SRGAP2B: variants seen among roughly 807,000 people sequenced by gnomAD.
SRGAP2B encodes the protein SLIT-ROBO Rho GTPase-activating protein 2B.
In SRGAP2B, 9 loss-of-function variants were observed where a neutral mutation model predicts 22.2. The observed-to-expected ratio is 0.41, with a 90% CI of 0.24 to 0.71. The LOEUF (loss-of-function observed/expected upper bound fraction) is 0.71, where lower values mean the gene tolerates loss of function less well. Ranked by LOEUF, SRGAP2B falls within the 30% of genes least tolerant of loss-of-function variation. SRGAP2B has a pLI of 0.35. For synonymous variants in SRGAP2B, 36 were observed against 87.4 expected (o/e 0.41, Z 3.28); for missense variants, 114 against 235.8 (o/e 0.48, Z 3.38).
chr1:145,023,027 T>G (rs1286729825), intron 2 of SRGAP2B, among the ~76,000 whole-genome samples: 1 of 149,892 alleles, frequency 6.7e-6, no homozygotes, highest in Admixed American at 6.6e-5. Context: ...TAGCTGGGCA[T>G]GGCGATGCGT....
intron 3 of SRGAP2B, chr1:144,965,182 C>T: frequency 2.9e-6 from 3 of 1,046,318 alleles, no homozygotes; most frequent in Non-Finnish European, 4.4e-6. Context: ...CGAATAGGAA[C>T]AGCTCCGGTC....
intron 3 of SRGAP2B, among the ~76,000 whole-genome samples, chr1:144,984,367 A>ACAAC (rs1173413858): frequency 0.014 from 1,948 of 140,950 alleles, 65 homozygotes; most frequent in South Asian, 0.038. Context: ...AACAACAACA[A>ACAAC]AAAAAAAAAA....
Position 145,080,637 on chromosome 1 carries a change from G to A in SRGAP2B, c.67+12198C>T, listed in dbSNP as rs587707030. On this transcript the variant is annotated intron_variant, in intron 2 of 9. Transcript: ENST00000612199. ...GCGATCTGGGCTCACTGCAACCTCC[G>A]CATCCCAGGTTCAAGCAATTCTCCT... Among the ~76,000 whole-genome samples, 916 of 146,916 alleles carry A rather than the reference G, an allele frequency of 6.2e-3. 15 individuals carry two copies. The highest frequency in any genetic ancestry group is 0.023 in the African/African-American group (882 of 37,980).
intron 2 of SRGAP2B, among the ~76,000 whole-genome samples, chr1:145,012,929 A>G (rs2102247839): frequency 6.7e-6 from 1 of 149,786 alleles, no homozygotes; most frequent in South Asian, 2.1e-4. Flanking sequence ...TACTAGAAAT[A>G]CAAAAAGTAG....
intron 2 of SRGAP2B, among the ~76,000 whole-genome samples, chr1:144,998,338 C>A (rs1375739025): frequency 1.1e-5 from 1 of 92,164 alleles, no homozygotes; most frequent in Non-Finnish European, 2.1e-5. Context: ...CCTAGATCTA[C>A]TCTACAGGAC....
rs1553618182 is a variant in SRGAP2B, at chr1:144,995,006, A to G, written c.260+2T>C. On this transcript the variant is annotated splice_donor_variant, in intron 3 of 9. Transcript: ENST00000612199. LOFTEE classifies it high-confidence loss of function. ...AGAGAGTAATAGCCACAGAGCCCCT[A>G]CTTGAATTGCTGGTCCTTGGTGCTG... 2.0e-5 allele frequency: 31 copies of G among 1,520,314 alleles called. No homozygotes were observed. Among genetic ancestry groups the G allele is most frequent in the Non-Finnish European group, 2.6e-5 (30 of 1,135,160 alleles). The allele number at this position is 1,520,314 out of a possible 1,614,324, so 94.2% of individuals were successfully genotyped here.
chr1:145,041,074 AGTATATATATATAT>A (rs1649179979), intron 2 of SRGAP2B, among the ~76,000 whole-genome samples: 3 of 73,358 alleles, frequency 4.1e-5, no homozygotes, highest in Admixed American at 1.7e-4. Flanking sequence ...GTATATATAT[AGTATATATATATAT>A]ATATATATAT....
At position 145,076,233 on chromosome 1, in the gene SRGAP2B, C is replaced by T. The variant is rs1433987556; in HGVS notation, c.67+16602G>A. Among the ~76,000 whole-genome samples the T allele has an allele frequency of 6.7e-5, 10 of 149,478 alleles. No homozygotes were observed. In the East Asian group the frequency reaches 1.8e-3, roughly 26 times the overall value. On this transcript the variant is annotated intron_variant, in intron 2 of 9. Coordinates refer to ENST00000612199, the Ensembl canonical transcript of SRGAP2B. ...TGTAGACAGGATCTCCAAAATGTTG[C>T]CCAGGCTCATCTTGAACCCCTGGGC...
At chr1:145,012,050 T>C (rs1387860965) in intron 2 of SRGAP2B, among the ~76,000 whole-genome samples, 13 of 150,996 alleles carry the variant, frequency 8.6e-5, no homozygotes, top group East Asian at 1.9e-4. Context: ...TCTCACTTCA[T>C]TGAGCTCTCT....
intron 3 of SRGAP2B, among the ~76,000 whole-genome samples, chr1:144,967,316 T>C (rs1218157175): frequency 7.1e-5 from 7 of 98,170 alleles, no homozygotes; most frequent in Non-Finnish European, 9.9e-5. Context: ...GCAATCAAAC[T>C]AGAACTCAGG....
intron 3 of SRGAP2B, among the ~76,000 whole-genome samples, chr1:144,957,198 T>G (rs1553610493): frequency 6.6e-6 from 1 of 150,838 alleles, no homozygotes; most frequent in Non-Finnish European, 1.5e-5. Flanking sequence ...GGAAAGTGAG[T>G]TGAGAGTAGC....
chr1:145,001,716 T>C (rs1373990663), intron 2 of SRGAP2B, among the ~76,000 whole-genome samples: 1 of 150,014 alleles, frequency 6.7e-6, no homozygotes, highest in Non-Finnish European at 1.5e-5. Flanking sequence ...ATTACTTTAC[T>C]CTATTAAGTA....
At chr1:144,986,401 A>T (rs1280493726) in intron 3 of SRGAP2B, among the ~76,000 whole-genome samples, 3 of 146,644 alleles carry the variant, frequency 2.0e-5, no homozygotes, top group Non-Finnish European at 3.0e-5. Context: ...CTGGGCAGAG[A>T]ATGAACTATT....
intron 4 of SRGAP2B, among the ~76,000 whole-genome samples, chr1:144,947,603 G>T (rs1352319237): frequency 6.8e-6 from 1 of 146,008 alleles, no homozygotes; most frequent in Admixed American, 6.8e-5. Context: ...CCCACTTCCT[G>T]CAGTGTGAAG....
At chr1:145,017,333 T>C (rs1672501480) in intron 2 of SRGAP2B, among the ~76,000 whole-genome samples, 1 of 148,808 alleles carries the variant, frequency 6.7e-6, no homozygotes, top group Non-Finnish European at 1.5e-5. Flanking sequence ...CAGGTGTGTA[T>C]TATGTCAACT....
At chr1:144,921,269 C>CAAAAAA (rs3975927) in intron 4 of SRGAP2B, among the ~76,000 whole-genome samples, 3 of 62,306 alleles carry the variant, frequency 4.8e-5, no homozygotes, top group Non-Finnish European at 5.5e-5. Context: ...TCTAGCTTGC[C>CAAAAAA]AAAAAAAAAA....
rs1360291290 is a variant in SRGAP2B at position 144,944,688 on chromosome 1, T to C, written c.423+10751A>G. Among the ~76,000 whole-genome samples the C allele has an allele frequency of 4.0e-4, 9 of 22,278 alleles. 1 individual carries two copies. The allele number at this position is 22,278 out of a possible 152,430, so 14.6% of individuals were successfully genotyped here. A position where few individuals can be genotyped will look rare whatever the true frequency, so the allele number is the denominator to read the frequency against. On this transcript the variant is annotated intron_variant, in intron 4 of 9. Coordinates refer to ENST00000612199, the Ensembl canonical transcript of SRGAP2B. Reference sequence around the variant, plus strand: ...ACAAAAGAAAGAATTGGTTGTTTTATTTATTTATTTATTTATTTATTTATT... The same window carrying C: ...ACAAAAGAAAGAATTGGTTGTTTTACTTATTTATTTATTTATTTATTTATT...
intron 4 of SRGAP2B, among the ~76,000 whole-genome samples, chr1:144,948,816 T>A (rs1341423220): frequency 1.7e-4 from 6 of 34,606 alleles, no homozygotes; most frequent in Non-Finnish European, 2.9e-4. Flanking sequence ...AAGCATAATA[T>A]CCCCATCACA....
At chr1:144,984,365 C>CAACAAAA (rs1491147391) in intron 3 of SRGAP2B, among the ~76,000 whole-genome samples, 20 of 126,426 alleles carry the variant, frequency 1.6e-4, no homozygotes, top group Non-Finnish European at 2.4e-4. Context: ...ACAACAACAA[C>CAACAAAA]AAAAAAAAAA....
Sources: gnomAD v4.1 joint callset for allele counts (sites outside exome capture counted in the v4.1 genomes callset) on GRCh38, gnomAD v4.1.1 for gene constraint, MANE v1.5 for transcripts, NCBI Gene and HGNC (gene_info 2026-07-23, HGNC 2026-07-21) for gene names.